The following RAD54L2 variants were observed in gnomAD, a reference collection of about 807,000 sequenced individuals.
The protein encoded by RAD54L2 is helicase ARIP4.
A neutral mutation model predicts 138.4 loss-of-function variants in RAD54L2; 27 were observed. That is an observed-to-expected ratio of 0.20 (90% CI 0.14 to 0.27). The LOEUF (loss-of-function observed/expected upper bound fraction) is 0.27, where lower values mean the gene tolerates loss of function less well. RAD54L2 is among the 10% of genes least tolerant of loss of function. RAD54L2 has a pLI of 1.00. For missense variants in RAD54L2, 1,396 were observed against 1,890.2 expected, an observed-to-expected ratio of 0.74 and a Z score of 4.85; for synonymous variants, 644 against 723.2, an observed-to-expected ratio of 0.89 and a Z score of 1.76.
chr3:51,541,553 G>A (rs886310780), intron 1 of RAD54L2, 36 bp from the exon 2 acceptor site: 9 of 152,208 alleles, frequency 5.9e-5, no homozygotes, highest in African/African-American at 1.7e-4. Context: ...GCATGAAGGC[G>A]TTGCTTATCC....
At position 51,637,734 on chromosome 3, in the gene RAD54L2, T is replaced by C. The variant is rs1291150222; in HGVS notation, c.1682+231T>C. ...TCTCAAAAGTTATCTTTAAAGGTAC[T>C]GGAGACACCTGTCTTACTTGCTGAG... On this transcript the variant is annotated intron_variant, in intron 11 of 22. Coordinates refer to ENST00000684192, the MANE Select transcript of RAD54L2 (RefSeq NM_015106.4). The surrounding 1 kb of genome is among the most constrained non-coding windows in gnomAD (Gnocchi z 5.9). Among the ~76,000 whole-genome samples, 3 of 152,254 alleles carry C rather than the reference T, an allele frequency of 2.0e-5. No individual in the cohort carries two copies. The highest frequency in any genetic ancestry group is 4.4e-5 in the Non-Finnish European group (3 of 68,040).
intron 4 of RAD54L2, among the ~76,000 whole-genome samples, chr3:51,628,349 T>C (rs534964735): frequency 6.6e-6 from 1 of 152,200 alleles, no homozygotes; most frequent in South Asian, 2.1e-4. Context: ...TTGAAAATAA[T>C]ATAGAATCCC....
chr3:51,545,621 G>A (rs928501220), intron 2 of RAD54L2, among the ~76,000 whole-genome samples: 2 of 151,682 alleles, frequency 1.3e-5, no homozygotes, highest in Admixed American at 6.6e-5. Flanking sequence ...TGTCACCCAT[G>A]CTAGAGTAAG....
chr3:51,598,432 A>C (rs1700017723), intron 3 of RAD54L2, among the ~76,000 whole-genome samples: 1 of 151,990 alleles, frequency 6.6e-6, no homozygotes, highest in Non-Finnish European at 1.5e-5. Flanking sequence ...TACTGACATG[A>C]AGCTTCCATA....
intron 2 of RAD54L2, among the ~76,000 whole-genome samples, chr3:51,544,195 CA>C (rs1698629642): frequency 6.6e-6 from 1 of 152,056 alleles, no homozygotes; most frequent in Non-Finnish European, 1.5e-5. Context: ...GTTGAGTGAA[CA>C]AATGAATAAC....
intron 22 of RAD54L2, among the ~76,000 whole-genome samples, chr3:51,661,078 C>T (rs7375146): frequency 0.068 from 10,314 of 152,054 alleles, 907 homozygotes; most frequent in East Asian, 0.33. Context: ...CTCAGCCTCC[C>T]GATTAGCTGA....
intron 3 of RAD54L2, among the ~76,000 whole-genome samples, chr3:51,607,260 C>T (rs977195898): frequency 8.6e-5 from 13 of 151,544 alleles, no homozygotes; most frequent in East Asian, 1.9e-4. Flanking sequence ...TGCCGCCTTC[C>T]GCAGTGTTTG....
intron 19 of RAD54L2, among the ~76,000 whole-genome samples, chr3:51,647,943 G>A (rs927912150): frequency 2.6e-5 from 4 of 152,152 alleles, no homozygotes; most frequent in African/African-American, 9.7e-5. Flanking sequence ...ACTGGGACTG[G>A]TTAGACAATG....
chr3:51,649,058 A>C (rs995627520), intron 19 of RAD54L2, among the ~76,000 whole-genome samples: 1 of 152,094 alleles, frequency 6.6e-6, no homozygotes. Context: ...AACCTTGAAA[A>C]AAGATTAGAC....
chr3:51,591,686 A>C (rs1699844155), intron 3 of RAD54L2, among the ~76,000 whole-genome samples: 1 of 152,198 alleles, frequency 6.6e-6, no homozygotes, highest in Non-Finnish European at 1.5e-5. Flanking sequence ...AATGAATAGA[A>C]ATAATGGAAG....
intron 3 of RAD54L2, among the ~76,000 whole-genome samples, chr3:51,617,981 C>T (rs1432541600): frequency 1.3e-5 from 2 of 150,910 alleles, no homozygotes; most frequent in African/African-American, 2.4e-5. Context: ...TTTTTTGAGA[C>T]GGAGTCTCAC....
intron 2 of RAD54L2, among the ~76,000 whole-genome samples, chr3:51,564,619 TG>T (rs1453631591): frequency 1.3e-5 from 2 of 152,192 alleles, no homozygotes; most frequent in Non-Finnish European, 2.9e-5. Context: ...TATAGCCTGT[TG>T]AAGACACTGG....
At chr3:51,593,145 A>G (rs1174582513) in intron 3 of RAD54L2, among the ~76,000 whole-genome samples, 5 of 152,030 alleles carry the variant, frequency 3.3e-5, no homozygotes, top group Non-Finnish European at 7.4e-5. Flanking sequence ...ACTGGTTGTC[A>G]GGATTGTTGG....
At chr3:51,570,787 C>T (rs914713294) in intron 2 of RAD54L2, among the ~76,000 whole-genome samples, 5 of 152,178 alleles carry the variant, frequency 3.3e-5, no homozygotes, top group African/African-American at 9.6e-5. Flanking sequence ...TTGTCATTGG[C>T]GTGGTGTCTT....
At chr3:51,646,122 A>G (rs1178080358) in intron 18 of RAD54L2, among the ~76,000 whole-genome samples, 163 bp from the exon 19 acceptor site, 1 of 152,244 alleles carries the variant, frequency 6.6e-6, no homozygotes. Flanking sequence ...GGTTAGAGCT[A>G]TAAATTGTAC....
chr3:51,616,181 T>C (rs1489112684), intron 3 of RAD54L2, among the ~76,000 whole-genome samples: 1 of 152,180 alleles, frequency 6.6e-6, no homozygotes, highest in Non-Finnish European at 1.5e-5. Context: ...AGTAGAGTAT[T>C]GTATAGTCAT....
chr3:51,578,653 G>A (rs1242029598), intron 2 of RAD54L2, among the ~76,000 whole-genome samples: 1 of 152,168 alleles, frequency 6.6e-6, no homozygotes, highest in Admixed American at 6.5e-5. Flanking sequence ...GGGGAGCACT[G>A]GTGAGTGGGT....
intron 2 of RAD54L2, among the ~76,000 whole-genome samples, chr3:51,561,092 C>G (rs145272034): frequency 1.4e-3 from 209 of 152,322 alleles, no homozygotes; most frequent in African/African-American, 4.8e-3. Context: ...CTTAGCAGGT[C>G]TCCAGGTTGC....
At chr3:51,653,911 C>A (rs541385894) in intron 19 of RAD54L2, among the ~76,000 whole-genome samples, 1 of 152,096 alleles carries the variant, frequency 6.6e-6, no homozygotes, top group African/African-American at 2.4e-5. Context: ...TGCATGTGTA[C>A]CCTGGAACTT....
Sources: gnomAD v4.1 joint callset for allele counts (sites outside exome capture counted in the v4.1 genomes callset) on GRCh38, gnomAD v4.1.1 for gene constraint, Gnocchi (gnomAD v3.1) non-coding constraint, MANE v1.5 for transcripts, NCBI Gene and HGNC (gene_info 2026-07-23, HGNC 2026-07-21) for gene names.